The following MCC variants were observed in gnomAD, a reference collection of about 807,000 sequenced individuals.
MCC encodes MCC regulator of Wnt signaling pathway.
In MCC, 90 loss-of-function variants were observed where a neutral mutation model predicts 116.2. That is an observed-to-expected ratio of 0.77 (90% CI 0.65 to 0.92). The LOEUF is 0.92. MCC is among the 40% of genes least tolerant of loss of function. The pLI, the probability that MCC is intolerant of heterozygous loss-of-function variation, is 0.00. For missense variants in MCC, 1,516 were observed against 1,312.2 expected, an observed-to-expected ratio of 1.16 and a Z score of -2.40; for synonymous variants, 578 against 510.5, an observed-to-expected ratio of 1.13 and a Z score of -1.78.
intron 2 of MCC, among the ~76,000 whole-genome samples, chr5:113,343,849 TAA>T (rs1329405475): frequency 6.6e-6 from 1 of 152,172 alleles, no homozygotes; most frequent in Non-Finnish European, 1.5e-5. Flanking sequence ...CAGGAAAATA[TAA>T]CAGTTCTGAG....
intron 1 of MCC, chr5:113,435,183 G>A: frequency 3.7e-6 from 1 of 269,614 alleles, no homozygotes; most frequent in Non-Finnish European, 7.1e-6. Context: ...AGGGGACTGT[G>A]TGGGACACAT....
chr5:113,101,468 A>G (rs769275093), intron 8 of MCC: 10 of 450,692 alleles, frequency 2.2e-5, no homozygotes, highest in Non-Finnish European at 3.6e-5. Flanking sequence ...CTTACCCTGG[A>G]AAGTTTAGAA....
At chr5:113,158,096 A>T (rs1253533276) in intron 3 of MCC, among the ~76,000 whole-genome samples, 1 of 152,210 alleles carries the variant, frequency 6.6e-6, no homozygotes, top group South Asian at 2.1e-4. Flanking sequence ...GCATCAGCCT[A>T]CTCAAAACAG....
intron 1 of MCC, chr5:113,437,051 A>G (rs150436417): frequency 3.3e-5 from 5 of 151,746 alleles, no homozygotes; most frequent in African/African-American, 7.3e-5. Flanking sequence ...GTCCTGGGCC[A>G]TTAGTCACAT....
At chr5:113,145,234 T>C (rs1422683015) in intron 4 of MCC, among the ~76,000 whole-genome samples, 1 of 152,198 alleles carries the variant, frequency 6.6e-6, no homozygotes, top group Non-Finnish European at 1.5e-5. Context: ...TGTATGAACA[T>C]GTACAGATGT....
rs916169645 is a variant in MCC, at chr5:113,220,204, C to G, written c.628-68782G>C. ...TCCTCAGTAGCTGGGATTACAGGCGCCCGCCACCACGCCCAGCTAATTTTT... is the reference window on the plus strand; with the variant it reads ...TCCTCAGTAGCTGGGATTACAGGCGGCCGCCACCACGCCCAGCTAATTTTT... On this transcript the variant is annotated intron_variant, in intron 3 of 18. Coordinates refer to ENST00000408903, the MANE Select transcript of MCC (RefSeq NM_001085377.2). Among the ~76,000 whole-genome samples the G allele has an allele frequency of 4.3e-5, 6 of 140,402 alleles. 2 individuals are homozygous for G. The allele number at this position is 140,402 out of a possible 152,430, so 92.1% of individuals were successfully genotyped here. A position where few individuals can be genotyped will look rare whatever the true frequency, so the allele number is the denominator to read the frequency against.
intron 1 of MCC, 40 bp from the exon 2 acceptor site, chr5:113,385,252 G>A (rs756232493): frequency 1.9e-6 from 3 of 1,587,168 alleles, no homozygotes; most frequent in East Asian, 2.2e-5. Flanking sequence ...TGTTATGAGT[G>A]ACATTTAAGC....
At chr5:113,104,821 G>A (rs769599536) in intron 6 of MCC, among the ~76,000 whole-genome samples, 1 of 152,192 alleles carries the variant, frequency 6.6e-6, no homozygotes, top group Non-Finnish European at 1.5e-5. Flanking sequence ...CCCTCAATGA[G>A]CCTAAAACCA....
chr5:113,073,909 G>C (rs1444642918), intron 11 of MCC, among the ~76,000 whole-genome samples: 1 of 152,220 alleles, frequency 6.6e-6, no homozygotes, highest in Non-Finnish European at 1.5e-5. Flanking sequence ...GCCCACCGCA[G>C]TTCAAGGAGA....
chr5:113,287,029 T>A (rs866422326), intron 3 of MCC, among the ~76,000 whole-genome samples: 5,502 of 152,258 alleles, frequency 0.036, 269 homozygotes, highest in African/African-American at 0.11. Context: ...TTTTCTTTTT[T>A]TCACCCCCAA....
intron 3 of MCC, among the ~76,000 whole-genome samples, chr5:113,217,529 T>C (rs1763370746): frequency 6.6e-6 from 1 of 152,068 alleles, no homozygotes; most frequent in Non-Finnish European, 1.5e-5. Context: ...GATACTTGAG[T>C]TTTGTATGCA....
chr5:113,029,017 A>G lies in MCC; in HGVS notation c.2796T>C (p.Ser932=), dbSNP rs758891576. ...KLKARVQELV[S]ALERLTKSSE... is the part of the protein sequence containing the mutation. ...TGCTCTTGGTGAGTCTCTCCAAGGC[A>G]CTCACCAGCTCTTGAACTCTGGCCT... Residue 932 remains serine (S), a synonymous_variant, in exon 18 of 19, where the codon AGT becomes AGC. Transcript: ENST00000408903. The G allele has an allele frequency of 6.2e-7, 1 of 1,613,362 alleles. No homozygotes were observed. Among genetic ancestry groups the G allele is most frequent in the Admixed American group, 1.7e-5 (1 of 59,930 alleles).
At position 113,025,019 on chromosome 5, in the gene MCC, G is replaced by GA. The variant is rs1271114907; in HGVS notation, c.*2282dup. The GA allele has an allele frequency of 5.2e-4, 10 of 19,226 alleles. No homozygotes were observed. The East Asian group carries it at 6.8e-3, about 13-fold the overall frequency. 1.2% of individuals were successfully genotyped at this position (19,226 alleles called of 1,614,324 possible). ...GAGCTGGAGCCGCCTCTGCCTGGGG[G>GA]AATTCTCAGAGAAGGGGAGGTTCTC... is the stretch of plus-strand genomic sequence containing the variant. On this transcript the variant is annotated 3_prime_UTR_variant, in exon 19 of 19. Transcript: ENST00000408903.
At chr5:113,193,013 C>G (rs182310945) in intron 3 of MCC, among the ~76,000 whole-genome samples, 6 of 152,284 alleles carry the variant, frequency 3.9e-5, no homozygotes, top group African/African-American at 1.4e-4. Flanking sequence ...CAGGCTTCCC[C>G]GGAAGGCTCT....
intron 3 of MCC, among the ~76,000 whole-genome samples, chr5:113,299,236 C>T (rs1320642263): frequency 6.2e-5 from 8 of 129,136 alleles, no homozygotes; most frequent in Admixed American, 8.7e-5. Flanking sequence ...TGCAGTGAAC[C>T]GAGCCGAGAT....
rs571632879 is a variant in MCC, at chr5:113,417,813, T to C, written c.171-32601A>G. Among the ~76,000 whole-genome samples, 6 of 151,968 alleles carry C rather than the reference T, an allele frequency of 3.9e-5. No homozygotes were observed. In the South Asian group the frequency reaches 1.0e-3, roughly 26 times the overall value. On this transcript the variant is annotated intron_variant, in intron 1 of 18. Transcript: ENST00000408903. ...GTATAGTGGTACACGCCTGTAGTCC[T>C]AGCTACTCAGGAGGCTGAGGTAGGA...
At chr5:113,395,740 G>T (rs980338277) in intron 1 of MCC, among the ~76,000 whole-genome samples, 27 of 152,242 alleles carry the variant, frequency 1.8e-4, no homozygotes, top group African/African-American at 5.8e-4. Flanking sequence ...TATATATGCT[G>T]AGCTCCATAC....
At chr5:113,099,005 C>A (rs568145481) in intron 8 of MCC, among the ~76,000 whole-genome samples, 2 of 152,058 alleles carry the variant, frequency 1.3e-5, no homozygotes, top group African/African-American at 4.8e-5. Context: ...AAGGACAGAT[C>A]CCTCCTGAGG....
chr5:113,246,486 T>C (rs967970350), intron 3 of MCC, among the ~76,000 whole-genome samples: 3 of 152,124 alleles, frequency 2.0e-5, no homozygotes, highest in Admixed American at 1.3e-4. Context: ...AGGGGTTGTG[T>C]AGGAGAGAAG....
Sources: allele counts gnomAD v4.1 joint callset (sites outside exome capture counted in the v4.1 genomes callset), GRCh38; gene constraint gnomAD v4.1.1; transcripts MANE v1.5; gene names NCBI Gene and HGNC (gene_info 2026-07-23, HGNC 2026-07-21).